RNF182: variants seen among roughly 807,000 people sequenced by gnomAD.
RNF182 encodes the protein E3 ubiquitin-protein ligase RNF182.
In RNF182, 15 loss-of-function variants were observed where a neutral mutation model predicts 14.4. The ratio of observed to expected loss-of-function variants is 1.04; its 90% CI spans 0.70 to 1.60. The LOEUF is 1.60. Among genes scored for constraint, RNF182 ranks in the 40% most tolerant of loss-of-function variants. The pLI, the probability that RNF182 is intolerant of heterozygous loss-of-function variation, is 0.00. For synonymous variants in RNF182, 128 were observed against 122.9 expected (o/e 1.04, Z -0.27); for missense variants, 268 against 294.8 (o/e 0.91, Z 0.67).
intron 1 of RNF182, among the ~76,000 whole-genome samples, chr6:13,954,053 G>C (rs1159516738): frequency 6.6e-6 from 1 of 152,110 alleles, no homozygotes; most frequent in African/African-American, 2.4e-5. Flanking sequence ...CAAAAGTAGA[G>C]AAAATGATAT....
At chr6:13,929,030 A>C (rs1310699906) in intron 1 of RNF182, among the ~76,000 whole-genome samples, 2 of 152,168 alleles carry the variant, frequency 1.3e-5, no homozygotes, top group East Asian at 3.8e-4. Flanking sequence ...CTAGTCCTAC[A>C]AAAGAGTTGC....
intron 1 of RNF182, among the ~76,000 whole-genome samples, chr6:13,946,314 G>C (rs1759442018): frequency 6.6e-6 from 1 of 151,930 alleles, no homozygotes; most frequent in South Asian, 2.1e-4. Flanking sequence ...CTACAGGCAT[G>C]TGCATTATGC....
Position 13,977,058 on chromosome 6 carries a change from C to A in RNF182, c.-62C>A. The A allele has an allele frequency of 1.3e-6, 2 of 1,525,784 alleles. No homozygotes were observed. The highest frequency in any genetic ancestry group is 1.8e-6 in the Non-Finnish European group (2 of 1,125,466). The allele number at this position is 1,525,784 out of a possible 1,614,324, so 94.5% of individuals were successfully genotyped here. A position where few individuals can be genotyped will look rare whatever the true frequency, so the allele number is the denominator to read the frequency against. ...GGATGATATGATATTCAGAGGGGCA[C>A]CTTAATCAAAGCCATTCTTCAACAA... On this transcript the variant is annotated 5_prime_UTR_variant, in exon 3 of 3. Coordinates refer to ENST00000488300, the MANE Select transcript of RNF182 (RefSeq NM_152737.4).
At chr6:13,970,737 A>G (rs116100302) in intron 1 of RNF182, among the ~76,000 whole-genome samples, 146 of 152,310 alleles carry the variant, frequency 9.6e-4, no homozygotes, top group African/African-American at 3.3e-3. Flanking sequence ...CATGAATATT[A>G]AGGTGATAGA....
chr6:13,925,355 G>A (rs1191536592), intron 1 of RNF182: 1 of 152,014 alleles, frequency 6.6e-6, no homozygotes, highest in Non-Finnish European at 1.5e-5. Flanking sequence ...GAGGCTTTTG[G>A]GGGAAAAAAA....
chr6:13,948,934 AG>A lies in RNF182; in HGVS notation c.-367+23912del, dbSNP rs536405327. Among the ~76,000 whole-genome samples the A allele has an allele frequency of 1.1e-4, 16 of 152,312 alleles. 1 individual carries two copies. The South Asian group carries it at 3.3e-3, about 32-fold the overall frequency. ...ATTACATGAAAATCTTGTTCAAAAG[AG>A]AAAGCCAAATTTCACTTTTGCATTA... On this transcript the variant is annotated intron_variant, in intron 1 of 2. Transcript: ENST00000488300.
chr6:13,925,922 G>T (rs971236749), intron 1 of RNF182, among the ~76,000 whole-genome samples: 8 of 152,146 alleles, frequency 5.3e-5, no homozygotes, highest in African/African-American at 1.9e-4. Flanking sequence ...TTTCGTGATA[G>T]TTTGTTGCAG....
At chr6:13,950,382 A>T (rs1347858085) in intron 1 of RNF182, among the ~76,000 whole-genome samples, 1 of 152,180 alleles carries the variant, frequency 6.6e-6, no homozygotes, top group East Asian at 1.9e-4. Flanking sequence ...GAAGCAGTTT[A>T]TGACCTTAAC....
chr6:13,960,503 AAAC>A (rs1411422728), intron 1 of RNF182, among the ~76,000 whole-genome samples: 1 of 152,142 alleles, frequency 6.6e-6, no homozygotes, highest in African/African-American at 2.4e-5. Context: ...CACAAACAAA[AAAC>A]CAAACCCAAC....
chr6:13,975,757 T>A (rs954697720), intron 2 of RNF182, among the ~76,000 whole-genome samples: 1 of 152,236 alleles, frequency 6.6e-6, no homozygotes, highest in African/African-American at 2.4e-5. Context: ...CCCTCAGAAC[T>A]GTTATGACAG....
At chr6:13,940,931 C>T (rs755741332) in intron 1 of RNF182, among the ~76,000 whole-genome samples, 16 of 152,174 alleles carry the variant, frequency 1.1e-4, no homozygotes, top group African/African-American at 2.9e-4. Context: ...TCAAAGAACA[C>T]GCTATTAACA....
chr6:13,972,892 CT>C (rs1290375372), intron 1 of RNF182, among the ~76,000 whole-genome samples: 2 of 152,194 alleles, frequency 1.3e-5, no homozygotes, highest in Non-Finnish European at 2.9e-5. Context: ...GGGGCACTGC[CT>C]AGTGGAGCTG....
At chr6:13,966,591 C>T (rs920569847) in intron 1 of RNF182, among the ~76,000 whole-genome samples, 5 of 151,976 alleles carry the variant, frequency 3.3e-5, no homozygotes, top group South Asian at 4.2e-4. Flanking sequence ...GGCAAAACCC[C>T]GTCTCTACTA....
chr6:13,936,607 A>G (rs1759117762), intron 1 of RNF182, among the ~76,000 whole-genome samples: 1 of 152,246 alleles, frequency 6.6e-6, no homozygotes, highest in Non-Finnish European at 1.5e-5. Context: ...AAGATGAACA[A>G]ATCAGGTATA....
chr6:13,941,172 C>G (rs1262131145), intron 1 of RNF182, among the ~76,000 whole-genome samples: 1 of 152,064 alleles, frequency 6.6e-6, no homozygotes, highest in Non-Finnish European at 1.5e-5. Flanking sequence ...AGCAAAATCT[C>G]TCACTGAGAT....
chr6:13,948,991 A>G (rs1261123087), intron 1 of RNF182: 1 of 397,006 alleles, frequency 2.5e-6, no homozygotes, highest in East Asian at 3.8e-5. Flanking sequence ...CCAATTTTTA[A>G]TAAAATCATA....
chr6:13,964,418 C>T (rs2113634795), intron 1 of RNF182, among the ~76,000 whole-genome samples: 1 of 152,260 alleles, frequency 6.6e-6, no homozygotes, highest in South Asian at 2.1e-4. Context: ...AAACTTTTAT[C>T]ACAAATTTCC....
chr6:13,966,966 A>G (rs1310260330), intron 1 of RNF182, among the ~76,000 whole-genome samples: 2 of 151,964 alleles, frequency 1.3e-5, no homozygotes, highest in Non-Finnish European at 2.9e-5. Context: ...CCTTCTGAGT[A>G]GCTGGGACCA....
intron 2 of RNF182, among the ~76,000 whole-genome samples, chr6:13,975,895 T>C (rs1301779334): frequency 1.3e-5 from 2 of 152,204 alleles, no homozygotes. Flanking sequence ...TAATTAAAAA[T>C]AATTTTGAGA....
Sources: gnomAD v4.1 joint callset for allele counts (sites outside exome capture counted in the v4.1 genomes callset) on GRCh38, gnomAD v4.1.1 for gene constraint, MANE v1.5 for transcripts, NCBI Gene and HGNC (gene_info 2026-07-23, HGNC 2026-07-21) for gene names.